Variants in ZFP69 observed in about 807,000 individuals in gnomAD.
ZFP69 encodes ZFP69 zinc finger protein, also known as zinc finger protein 69 homolog.
In ZFP69, 35 loss-of-function variants were observed where a neutral mutation model predicts 48.9. The observed-to-expected ratio is 0.72, with a 90% CI of 0.55 to 0.95. The LOEUF (loss-of-function observed/expected upper bound fraction) is 0.95, where lower values mean the gene tolerates loss of function less well. ZFP69 is among the 40% of genes least tolerant of loss of function. The pLI, the probability that ZFP69 is intolerant of heterozygous loss-of-function variation, is 0.00. For missense variants in ZFP69, 557 were observed against 638.4 expected, an observed-to-expected ratio of 0.87 and a Z score of 1.37; for synonymous variants, 193 against 216.8, an observed-to-expected ratio of 0.89 and a Z score of 0.96.
intron 3 of ZFP69, among the ~76,000 whole-genome samples, chr1:40,486,080 ATTTTATT>A (rs1389769604): frequency 6.6e-6 from 1 of 151,496 alleles, no homozygotes. Context: ...ATTTTATTTT[ATTTTATT>A]TTTTATTTTG....
chr1:40,489,136 TG>T lies in ZFP69; in HGVS notation c.273del (p.Gln92SerfsTer13). On this transcript the variant is annotated frameshift_variant, in exon 4 of 6. Transcript: ENST00000372706. LOFTEE classifies it high-confidence loss of function. ...ATCTATTGACTTCACCCAGGAAGAG[TG>T]GGGGCAGCTGGCTCCTGCTCACCAG... is the stretch of plus-strand genomic sequence containing the variant. ...DISIDFTQEE[W>X]GQLAPAHQNL... The T allele has an allele frequency of 1.9e-6, 3 of 1,613,744 alleles. No homozygotes were observed. Among genetic ancestry groups the T allele is most frequent in the East Asian group, 4.5e-5 (2 of 44,866 alleles).
chr1:40,494,330 G>C (rs1170817671), intron 5 of ZFP69, among the ~76,000 whole-genome samples: 1 of 134,944 alleles, frequency 7.4e-6, no homozygotes, highest in Non-Finnish European at 1.5e-5. Flanking sequence ...GTGCAGTGGC[G>C]GGATCTCGGC....
intron 2 of ZFP69, among the ~76,000 whole-genome samples, chr1:40,481,446 G>C (rs913735443): frequency 3.9e-5 from 6 of 152,198 alleles, no homozygotes; most frequent in African/African-American, 1.4e-4. Flanking sequence ...GGAGTGGCCT[G>C]TTAGAGCTGT....
chr1:40,481,378 G>T (rs969981100), intron 2 of ZFP69, among the ~76,000 whole-genome samples: 1 of 152,166 alleles, frequency 6.6e-6, no homozygotes. Flanking sequence ...AGTCCATGGT[G>T]AAGTGTTTGG....
At chr1:40,487,561 C>A (rs1299925071) in intron 3 of ZFP69, among the ~76,000 whole-genome samples, 1 of 152,058 alleles carries the variant, frequency 6.6e-6, no homozygotes, top group African/African-American at 2.4e-5. Flanking sequence ...TGTAAAGATG[C>A]AGTATTAAAT....
Position 40,495,826 on chromosome 1 carries a change from C to T in ZFP69, c.1348C>T (p.Gln450Ter), listed in dbSNP as rs139946046. Reference sequence around the variant, plus strand: ...TAAAGAATGTGGAAAAGCCTTTAGGCAGAGGATACACCTTAGCAACCATAA... The same window carrying T: ...TAAAGAATGTGGAAAAGCCTTTAGGTAGAGGATACACCTTAGCAACCATAA... Reference protein sequence around the residue: ...KCKECGKAFRQRIHLSNHKTV... With the variant: ...KCKECGKAFR Residue 450 changes from glutamine (Q) to a stop codon, truncating the protein, a stop_gained, in exon 6 of 6, where the codon CAG becomes TAG. Transcript: ENST00000372706. LOFTEE classifies it high-confidence loss of function. 5 of 1,614,158 alleles carry T rather than the reference C, an allele frequency of 3.1e-6. No individual in the cohort carries two copies. Among genetic ancestry groups the T allele is most frequent in the Non-Finnish European group, 4.2e-6 (5 of 1,180,036 alleles).
In ZFP69 at chr1:40,495,819, C is replaced by T. The variant is rs200561920; in HGVS notation, c.1341C>T (p.Ala447=). ...ACAAATGTAAAGAATGTGGAAAAGC[C>T]TTTAGGCAGAGGATACACCTTAGCA... ...RPYKCKECGK[A]FRQRIHLSNH... is the part of the protein sequence containing the mutation. Residue 447 remains alanine, a synonymous_variant, in exon 6 of 6, where the codon GCC becomes GCT. Coordinates refer to ENST00000372706, the MANE Select transcript of ZFP69 (RefSeq NM_001320179.2). 1.2e-6 allele frequency: 2 copies of T among 1,614,168 alleles called. No homozygotes were observed. The highest frequency in any genetic ancestry group is 2.2e-5 in the East Asian group (1 of 44,880).
chr1:40,483,170 T>G (rs761642756), intron 3 of ZFP69, among the ~76,000 whole-genome samples: 5 of 151,848 alleles, frequency 3.3e-5, no homozygotes, highest in Non-Finnish European at 7.4e-5. Flanking sequence ...GGAAATGTTC[T>G]CTATCTTGAT....
intron 2 of ZFP69, among the ~76,000 whole-genome samples, chr1:40,480,898 T>G (rs1645436779): frequency 6.6e-6 from 1 of 152,234 alleles, no homozygotes; most frequent in African/African-American, 2.4e-5. Flanking sequence ...AGGAGTACAA[T>G]TCACAATATC....
At chr1:40,488,951 G>A (rs964329399) in intron 3 of ZFP69, 137 bp from the exon 4 acceptor site, 3 of 984,812 alleles carry the variant, frequency 3.0e-6, no homozygotes, top group African/African-American at 3.2e-5. Context: ...GGAGATCAGA[G>A]GATCTCCAAA....
intron 5 of ZFP69, among the ~76,000 whole-genome samples, chr1:40,490,067 A>G (rs573380347): frequency 6.6e-6 from 1 of 151,802 alleles, no homozygotes; most frequent in African/African-American, 2.4e-5. Context: ...ACAGGGTTTC[A>G]CCATGTTGGC....
intron 5 of ZFP69, chr1:40,491,283 G>A (rs1333693843): frequency 6.6e-6 from 1 of 152,092 alleles, no homozygotes; most frequent in African/African-American, 2.4e-5. Context: ...CATTTACATT[G>A]TTTCCAAATT....
intron 3 of ZFP69, among the ~76,000 whole-genome samples, chr1:40,488,219 A>G (rs1009674660): frequency 6.6e-6 from 1 of 151,808 alleles, no homozygotes; most frequent in Non-Finnish European, 1.5e-5. Flanking sequence ...GATTTGTTCT[A>G]TTTCCAAACC....
chr1:40,486,770 G>T (rs1570027943), intron 3 of ZFP69, among the ~76,000 whole-genome samples: 1 of 151,786 alleles, frequency 6.6e-6, no homozygotes, highest in East Asian at 1.9e-4. Flanking sequence ...TTATCCCACA[G>T]ATTTTTTTCT....
intron 3 of ZFP69, among the ~76,000 whole-genome samples, chr1:40,485,897 TTTGTTG>T (rs775563096): frequency 1.3e-5 from 2 of 151,978 alleles, no homozygotes; most frequent in Non-Finnish European, 2.9e-5. Context: ...ATAGGTGTGA[TTTGTTG>T]TTGTTGTTGT....
rs776527096 is a variant in ZFP69 at position 40,494,557 on chromosome 1, C to T, written c.443-364C>T. On this transcript the variant is annotated intron_variant, in intron 5 of 5. Coordinates refer to ENST00000372706, the MANE Select transcript of ZFP69 (RefSeq NM_001320179.2). The stretch of plus-strand genomic sequence containing the variant: ...TGCTGGGATTACAGGCGTGAGCCAC[C>T]GCGCCCGGCCCAAATATTTATATGA... Among the ~76,000 whole-genome samples the T allele has an allele frequency of 7.5e-5, 11 of 146,374 alleles. 1 individual carries two copies. The South Asian group carries it at 1.1e-3, about 14-fold the overall frequency.
At position 40,495,274 on chromosome 1, in the gene ZFP69, A is replaced by C. The variant is rs1239706330; in HGVS notation, c.796A>C (p.Ile266Leu). 2.5e-6 allele frequency: 4 copies of C among 1,614,072 alleles called. No individual in the cohort carries two copies. Among genetic ancestry groups the C allele is most frequent in the Non-Finnish European group, 3.4e-6 (4 of 1,180,000 alleles). The stretch of plus-strand genomic sequence containing the variant: ...TTTGATTAATCATCCAACAAGTTAC[A>C]TAAGAACAAAAACCTATGAATGTAA... Reference protein sequence around the residue: ...LDLINHPTSYIRTKTYECNIC... With the variant: ...LDLINHPTSYLRTKTYECNIC... The change falls in exon 6 of 6, where the codon ATA (isoleucine) becomes CTA (leucine). Residue 266 changes from isoleucine (I) to leucine (L), a missense_variant. By Grantham distance (5) the Ile-to-Leu change is conservative. Transcript: ENST00000372706.
At chr1:40,480,595 C>T (rs1275601512) in intron 2 of ZFP69, among the ~76,000 whole-genome samples, 1 of 150,332 alleles carries the variant, frequency 6.7e-6, no homozygotes, top group Admixed American at 6.6e-5. Context: ...AATTTTCAAA[C>T]ACTGTTTTGA....
chr1:40,491,709 A>G (rs544807524), intron 5 of ZFP69, among the ~76,000 whole-genome samples: 16 of 151,354 alleles, frequency 1.1e-4, no homozygotes, highest in Admixed American at 9.9e-4. Context: ...TCCCTTGCCA[A>G]TGTTTCTATA....
Sources: gnomAD v4.1 joint callset for allele counts (sites outside exome capture counted in the v4.1 genomes callset) on GRCh38, gnomAD v4.1.1 for gene constraint, MANE v1.5 for transcripts, NCBI Gene and HGNC (gene_info 2026-07-23, HGNC 2026-07-21) for gene names.